The following BCL2L14 variants were observed in gnomAD, a reference collection of about 807,000 sequenced individuals.
The protein encoded by BCL2L14 is apoptosis facilitator Bcl-2-like protein 14.
In BCL2L14, 27 loss-of-function variants were observed where a neutral mutation model predicts 35.3. The ratio of observed to expected loss-of-function variants is 0.76; its 90% CI spans 0.56 to 1.05. The LOEUF is 1.05. Among genes scored for constraint, BCL2L14 ranks in the 50% least tolerant of loss-of-function variants. The pLI, the probability that BCL2L14 is intolerant of heterozygous loss-of-function variation, is 0.00. For missense variants in BCL2L14, 377 were observed against 382.6 expected (o/e 0.99, Z 0.12); for synonymous variants, 139 against 145.9 (o/e 0.95, Z 0.34).
intron 3 of BCL2L14, among the ~76,000 whole-genome samples, chr12:12,089,372 TAAAAAAA>T (rs113134874): frequency 8.0e-6 from 1 of 125,716 alleles, no homozygotes; most frequent in Non-Finnish European, 1.7e-5. Context: ...TCCATCTCAA[TAAAAAAA>T]AAAAAAAGTA....
intron 4 of BCL2L14, among the ~76,000 whole-genome samples, chr12:12,094,118 A>AAG (rs1437425427): frequency 1.3e-5 from 2 of 151,204 alleles, no homozygotes; most frequent in East Asian, 1.9e-4. Flanking sequence ...AAAAAAAAAA[A>AAG]AAAGAAAGAA....
At chr12:12,050,979 A>G (rs775880811) in intron 1 of BCL2L14, among the ~76,000 whole-genome samples, 1 of 152,162 alleles carries the variant, frequency 6.6e-6, no homozygotes, top group Non-Finnish European at 1.5e-5. Flanking sequence ...GAAGTGCTCG[A>G]TAAGGATTGA....
At position 12,050,793 on chromosome 12, in the gene BCL2L14, T is replaced by TAAAAAAAAAAA. The variant is rs3052084; in HGVS notation, c.-324+849_-324+859dup. On this transcript the variant is annotated intron_variant, in intron 1 of 3. Coordinates refer to the BCL2L14 transcript ENST00000461264. ...ACACTAACACTAATAGCTGATGAGC[T>TAAAAAAAAAAA]AAAAAAAAAAAAAAAAAAAAGAAAA... Among the ~76,000 whole-genome samples, 109 of 88,180 alleles carry TAAAAAAAAAAA rather than the reference T, an allele frequency of 1.2e-3. 1 individual carries two copies. The highest frequency in any genetic ancestry group is 3.6e-3 in the African/African-American group (69 of 19,340). 57.8% of individuals were successfully genotyped at this position (88,180 alleles called of 152,430 possible).
Position 12,094,762 on chromosome 12 carries a change from C to T in BCL2L14, c.777C>T (p.Pro259=). The T allele has an allele frequency of 6.2e-7, 1 of 1,614,162 alleles. No individual in the cohort carries two copies. The highest frequency in any genetic ancestry group is 8.5e-7 in the Non-Finnish European group (1 of 1,180,036). Residue 259 remains proline (P), a synonymous_variant, in exon 5 of 6, where the codon CCC becomes CCT. Transcript: ENST00000308721. The part of the protein sequence containing the change: ...ITDQVLMGVD[P]RGESEVKAQG... The stretch of plus-strand genomic sequence containing the variant: ...ACCAGGTCCTAATGGGTGTGGACCC[C>T]AGGGGAGAATCAGAGGTCAAAGCTC...
At chr12:12,058,251 C>T (rs144372103) in intron 2 of BCL2L14, among the ~76,000 whole-genome samples, 107 of 142,456 alleles carry the variant, frequency 7.5e-4, no homozygotes, top group African/African-American at 2.7e-3. Flanking sequence ...TGTGCCCAGA[C>T]TCTTTTTTTT....
chr12:12,069,638 G>A (rs970550512), upstream of BCL2L14, among the ~76,000 whole-genome samples: 3 of 151,204 alleles, frequency 2.0e-5, no homozygotes, highest in African/African-American at 7.3e-5. Context: ...AACCCAGGAG[G>A]TGGAGCTTGC....
chr12:12,060,722 C>T (rs374156558), intron 2 of BCL2L14, among the ~76,000 whole-genome samples: 14,813 of 64,080 alleles, frequency 0.23, 2,150 homozygotes, highest in South Asian at 0.3. Flanking sequence ...AGGATTCCTC[C>T]TAAGCCGTGT....
chr12:12,079,288 T>C lies in BCL2L14; in HGVS notation c.-7-11T>C, dbSNP rs771056389. 1 of 1,607,230 alleles carries C rather than the reference T, an allele frequency of 6.2e-7. No individual in the cohort carries two copies. The highest frequency in any genetic ancestry group is 8.5e-7 in the Non-Finnish European group (1 of 1,176,582). On this transcript the variant is annotated splice_polypyrimidine_tract_variant and intron_variant, in intron 1 of 5. Transcript: ENST00000308721. ...GCATAGAAGGGCACAGTGTGGACTT[T>C]GTTGTTACAGGCCCAACATGTGTAG...
At chr12:12,062,028 C>T (rs994786382) in intron 2 of BCL2L14, among the ~76,000 whole-genome samples, 2 of 152,088 alleles carry the variant, frequency 1.3e-5, no homozygotes, top group Admixed American at 6.5e-5. Flanking sequence ...CTCATGTCTC[C>T]GTGCAGTGGC....
At chr12:12,052,874 T>C (rs756979999) in intron 2 of BCL2L14, among the ~76,000 whole-genome samples, 1 of 152,224 alleles carries the variant, frequency 6.6e-6, no homozygotes, top group Middle Eastern at 3.2e-3. Flanking sequence ...GTCTGAGCAT[T>C]CCAACTTAGG....
At chr12:12,098,777 C>T (rs2448031) in intron 5 of BCL2L14, among the ~76,000 whole-genome samples, 173 bp from the exon 6 acceptor site, 39,037 of 152,012 alleles carry the variant, frequency 0.26, 5,177 homozygotes, top group East Asian at 0.36. Context: ...TAGCTGATGT[C>T]TTCCTTGCAG....
At chr12:12,063,015 A>G (rs952326757) in intron 2 of BCL2L14, among the ~76,000 whole-genome samples, 3 of 152,228 alleles carry the variant, frequency 2.0e-5, no homozygotes, top group African/African-American at 7.2e-5. Context: ...GAATGCTACA[A>G]GGTACAGCCC....
At chr12:12,092,168 A>T (rs1565486184) in intron 4 of BCL2L14, among the ~76,000 whole-genome samples, 1 of 152,172 alleles carries the variant, frequency 6.6e-6, no homozygotes, top group South Asian at 2.1e-4. Flanking sequence ...ACTTGTGGTC[A>T]TTGGTCAGGG....
At chr12:12,078,249 A>G (rs1948824339) in intron 1 of BCL2L14, among the ~76,000 whole-genome samples, 1 of 152,194 alleles carries the variant, frequency 6.6e-6, no homozygotes, top group South Asian at 2.1e-4. Context: ...ATATAGCAAG[A>G]AAAAAGAAAG....
chr12:12,053,611 G>A (rs956383616), intron 2 of BCL2L14, among the ~76,000 whole-genome samples: 2 of 152,110 alleles, frequency 1.3e-5, no homozygotes, highest in Non-Finnish European at 2.9e-5. Context: ...GTAGAGATGG[G>A]GTTTCTCCAT....
At chr12:12,075,551 G>T (rs546170856) in intron 1 of BCL2L14, among the ~76,000 whole-genome samples, 3 of 151,842 alleles carry the variant, frequency 2.0e-5, no homozygotes, top group Non-Finnish European at 4.4e-5. Flanking sequence ...TCAGCCTCCC[G>T]AGTAGCTGGG....
intron 1 of BCL2L14, chr12:12,078,116 T>A: frequency 4.7e-6 from 1 of 210,796 alleles, no homozygotes; most frequent in Non-Finnish European, 1.0e-5. Context: ...TGTGATCACA[T>A]CACTCTCTAC....
intron 2 of BCL2L14, among the ~76,000 whole-genome samples, chr12:12,052,043 GTTTTCT>G (rs2136704328): frequency 1.3e-5 from 2 of 152,160 alleles, no homozygotes; most frequent in East Asian, 3.9e-4. Context: ...TGAGGACCTT[GTTTTCT>G]TTTTCTTTTT....
intron 5 of BCL2L14, chr12:12,096,303 A>C: frequency 2.8e-6 from 1 of 362,230 alleles, no homozygotes; most frequent in Non-Finnish European, 3.8e-6. Context: ...TAACCCACTA[A>C]TGTAGCTAAA....
Sources: gnomAD v4.1 joint callset for allele counts (sites outside exome capture counted in the v4.1 genomes callset) on GRCh38, gnomAD v4.1.1 for gene constraint, MANE v1.5 for transcripts, NCBI Gene and HGNC (gene_info 2026-07-23, HGNC 2026-07-21) for gene names.